RHOF: variants seen among roughly 807,000 people sequenced by gnomAD.
The protein encoded by RHOF is rho-related GTP-binding protein RhoF.
A neutral mutation model predicts 22.2 loss-of-function variants in RHOF; 21 were observed. That is an observed-to-expected ratio of 0.95 (90% CI 0.67 to 1.36). The LOEUF (loss-of-function observed/expected upper bound fraction) is 1.36. Ranked by LOEUF, RHOF falls within the 40% of genes most tolerant of loss-of-function variation. RHOF has a pLI of 0.00. For synonymous variants in RHOF, 135 were observed against 131.2 expected, an observed-to-expected ratio of 1.03 and a Z score of -0.20; for missense variants, 285 against 293.7, an observed-to-expected ratio of 0.97 and a Z score of 0.22.
rs1033982370 is a variant in RHOF, at chr12:121,793,295, C to T, written c.139-56G>A. ...GTGGGGCCGGCGGGGGCCAAAGTTC[C>T]AGCTGAATCCACTGTCCACCCCCCT... is the stretch of plus-strand genomic sequence containing the variant. On this transcript the variant is annotated intron_variant, in intron 1 of 4. Coordinates refer to ENST00000267205, the MANE Select transcript of RHOF (RefSeq NM_019034.3). 5.3e-6 allele frequency: 8 copies of T among 1,498,376 alleles called. No individual in the cohort carries two copies. In the African/African-American group the frequency reaches 8.3e-5, roughly 16 times the overall value. The allele number at this position is 1,498,376 out of a possible 1,614,324, so 92.8% of individuals were successfully genotyped here.
At chr12:121,781,215 G>A (rs375633419) in intron 2 of RHOF, 23 bp from the exon 3 acceptor site, 23 of 1,602,716 alleles carry the variant, frequency 1.4e-5, no homozygotes, top group Non-Finnish European at 2.0e-5. Context: ...AGCAGCGGGG[G>A]TCAGGGGACG....
At chr12:121,781,330 G>C (rs1441712020) in intron 2 of RHOF, 138 bp from the exon 3 acceptor site, 7 of 715,298 alleles carry the variant, frequency 9.8e-6, no homozygotes, top group Non-Finnish European at 1.4e-5. Context: ...AGCAAGCCAG[G>C]AGTGCTGGCA....
At chr12:121,791,492 C>A (rs935547061) in intron 2 of RHOF, among the ~76,000 whole-genome samples, 1 of 152,200 alleles carries the variant, frequency 6.6e-6, no homozygotes, top group Non-Finnish European at 1.5e-5. Flanking sequence ...ATGGCAGGAA[C>A]AGGATGGGAC....
At position 121,781,139 on chromosome 12, in the gene RHOF, C is replaced by T. The variant is rs774374703; in HGVS notation, c.280G>A (p.Val94Met). Residue 94 changes from valine to methionine, a missense_variant, in exon 3 of 5, where the codon GTG becomes ATG. Transcript: ENST00000267205. ...RPLSYQNTHL[V>M]LICYDVMNPT... ...TTCATGACGTCATAGCAGATGAGCA[C>T]GAGGTGGGTGTTCTGGTAGGACAGG... is the stretch of plus-strand genomic sequence containing the variant. 12 of 1,614,064 alleles carry T rather than the reference C, an allele frequency of 7.4e-6. No individual in the cohort carries two copies. The highest frequency in any genetic ancestry group is 1.3e-5 in the African/African-American group (1 of 74,910).
intron 2 of RHOF, among the ~76,000 whole-genome samples, chr12:121,784,428 C>G (rs1566532995): frequency 6.6e-6 from 1 of 151,328 alleles, no homozygotes; most frequent in Non-Finnish European, 1.5e-5. Flanking sequence ...GCCTGTAGTC[C>G]CAGCTACTCC....
At chr12:121,791,099 C>T (rs1874752443) in intron 2 of RHOF, among the ~76,000 whole-genome samples, 1 of 151,578 alleles carries the variant, frequency 6.6e-6, no homozygotes, top group South Asian at 2.1e-4. Flanking sequence ...GTCTTGAACT[C>T]CTGGCTTCAA....
intron 2 of RHOF, among the ~76,000 whole-genome samples, chr12:121,791,914 AAGGTGTCCC>A (rs1282691658): frequency 2.0e-5 from 3 of 152,198 alleles, no homozygotes; most frequent in Non-Finnish European, 2.9e-5. Flanking sequence ...CATGAGAGTA[AAGGTGTCCC>A]AGACCATGAC....
intron 2 of RHOF, among the ~76,000 whole-genome samples, 179 bp downstream of exon 2, chr12:121,792,973 G>GTC (rs1874801017): frequency 1.3e-5 from 2 of 152,240 alleles, no homozygotes; most frequent in African/African-American, 4.8e-5. Flanking sequence ...TTCCACTTAC[G>GTC]TATAGGGCTT....
At chr12:121,793,078 G>T in intron 2 of RHOF, 74 bp downstream of exon 2, 1 of 1,313,088 alleles carries the variant, frequency 7.6e-7, no homozygotes. Context: ...GGGACACCCA[G>T]TGGGGGACGC....
Position 121,793,379 on chromosome 12 carries a change from G to A in RHOF, c.138+117C>T, listed in dbSNP as rs1480023060. On this transcript the variant is annotated intron_variant, in intron 1 of 4. Coordinates refer to ENST00000267205, the MANE Select transcript of RHOF (RefSeq NM_019034.3). ...TGGGCTCTGGAATTCCCGAGGGGGC[G>A]CCCCGGGGTGGCGGCCGCCTGTCCG... The A allele has an allele frequency of 6.9e-6, 10 of 1,447,776 alleles. No individual in the cohort carries two copies. In the South Asian group the frequency reaches 8.6e-5, roughly 12 times the overall value. The allele number at this position is 1,447,776 out of a possible 1,614,324, so 89.7% of individuals were successfully genotyped here. A position where few individuals can be genotyped will look rare whatever the true frequency, so the allele number is the denominator to read the frequency against.
At chr12:121,793,084 G>GA in intron 2 of RHOF, 68 bp downstream of exon 2, 1 of 1,353,926 alleles carries the variant, frequency 7.4e-7, no homozygotes, top group Non-Finnish European at 1.0e-6. Flanking sequence ...CCCAGTGGGG[G>GA]ACGCCCGGGA....
chr12:121,789,462 C>CT (rs1874706318), intron 2 of RHOF, among the ~76,000 whole-genome samples: 1 of 152,152 alleles, frequency 6.6e-6, no homozygotes, highest in African/African-American at 2.4e-5. Flanking sequence ...ACAGGGGTCT[C>CT]TAAGGCCCAG....
chr12:121,781,275 G>GTGA, intron 2 of RHOF, 83 bp from the exon 3 acceptor site: 1 of 1,274,990 alleles, frequency 7.8e-7, no homozygotes, highest in Non-Finnish European at 1.1e-6. Context: ...GGCCAGGCAA[G>GTGA]TGACCCTGCC....
intron 2 of RHOF, chr12:121,782,279 ATC>A (rs1456482245): frequency 6.6e-6 from 1 of 152,168 alleles, no homozygotes; most frequent in Non-Finnish European, 1.5e-5. Flanking sequence ...TTCTAATCTG[ATC>A]CACAGACCAT....
Position 121,779,668 on chromosome 12 carries a change from T to G in RHOF, c.472-6A>C, listed in dbSNP as rs1162108835. 6.2e-7 allele frequency: 1 copy of G among 1,613,134 alleles called. No individual in the cohort carries two copies. Among genetic ancestry groups the G allele is most frequent in the East Asian group, 2.2e-5 (1 of 44,860 alleles). ...TGTTCGCAGGCGCTCAGGCCCTGGG[T>G]GGGGGGAGGAGCCAGCATTAGGTGA... is the stretch of plus-strand genomic sequence containing the variant. On this transcript the variant is annotated splice_region_variant and splice_polypyrimidine_tract_variant and intron_variant, in intron 4 of 4. Coordinates refer to ENST00000267205, the MANE Select transcript of RHOF (RefSeq NM_019034.3).
rs1874350705 is a variant in RHOF, at chr12:121,779,250, G to C, written c.*248C>G. On this transcript the variant is annotated 3_prime_UTR_variant, in exon 5 of 5. Transcript: ENST00000267205. ...GGGGGTGGCTGTGATGAGGGCACTT[G>C]CGAGTCCCGACAACAGACACTGGCT... 1.8e-6 allele frequency: 1 copy of C among 547,762 alleles called. No homozygotes were observed. Among genetic ancestry groups the C allele is most frequent in the Non-Finnish European group, 3.3e-6 (1 of 304,152 alleles). 33.9% of individuals were successfully genotyped at this position (547,762 alleles called of 1,614,324 possible). A position where few individuals can be genotyped will look rare whatever the true frequency, so the allele number is the denominator to read the frequency against.
Position 121,779,189 on chromosome 12 carries a change from C to T in RHOF, c.*309G>A, listed in dbSNP as rs982316929. On this transcript the variant is annotated 3_prime_UTR_variant, in exon 5 of 5. Transcript: ENST00000267205. Reference sequence around the variant, plus strand: ...ACCAGATAGACTTTTTCATTTCAAGCATAACTTGAGTCTGCACTGGGGAGA... The same window carrying T: ...ACCAGATAGACTTTTTCATTTCAAGTATAACTTGAGTCTGCACTGGGGAGA... 1 of 386,922 alleles carries T rather than the reference C, an allele frequency of 2.6e-6. No individual in the cohort carries two copies. The highest frequency in any genetic ancestry group is 2.0e-5 in the African/African-American group (1 of 50,062). 24.0% of individuals were successfully genotyped at this position (386,922 alleles called of 1,614,324 possible).
chr12:121,778,378 G>A lies in RHOF; in HGVS notation c.*1120C>T, dbSNP rs2137454011. On this transcript the variant is annotated 3_prime_UTR_variant, in exon 5 of 5. Transcript: ENST00000267205. Reference sequence around the variant, plus strand: ...AGGCAAGAGAATCGCTTGAACCCAGGAGGTGGAGCTTGCAGTGAGCCAAGA... The same window carrying A: ...AGGCAAGAGAATCGCTTGAACCCAGAAGGTGGAGCTTGCAGTGAGCCAAGA... 6.6e-6 allele frequency: 1 copy of A among 151,528 alleles called. No homozygotes were observed. The highest frequency in any genetic ancestry group is 1.5e-5 in the Non-Finnish European group (1 of 68,002). 9.4% of individuals were successfully genotyped at this position (151,528 alleles called of 1,614,324 possible). A position where few individuals can be genotyped will look rare whatever the true frequency, so the allele number is the denominator to read the frequency against.
chr12:121,790,304 C>T (rs1874731075), intron 2 of RHOF, among the ~76,000 whole-genome samples: 1 of 152,274 alleles, frequency 6.6e-6, no homozygotes, highest in Non-Finnish European at 1.5e-5. Context: ...GCCCCTTCCG[C>T]CACTGTGTGT....
Sources: allele counts gnomAD v4.1 joint callset (sites outside exome capture counted in the v4.1 genomes callset), GRCh38; gene constraint gnomAD v4.1.1; transcripts MANE v1.5; gene names NCBI Gene and HGNC (gene_info 2026-07-23, HGNC 2026-07-21).